The following NLRC4 variants were observed in gnomAD, a reference collection of about 807,000 sequenced individuals.
NLRC4 encodes NLR family CARD domain-containing protein 4.
NLRC4 carries 63 observed loss-of-function variants against 79.9 expected under a neutral mutation model. The observed-to-expected ratio is 0.79, with a 90% confidence interval of 0.64 to 0.97. NLRC4 has a LOEUF of 0.97. Ranked by LOEUF, NLRC4 falls within the 50% of genes least tolerant of loss-of-function variation. NLRC4 has a pLI of 0.00. For synonymous variants in NLRC4, 461 were observed against 456.5 expected (o/e 1.01, Z -0.12); for missense variants, 1,074 against 1,215.2 (o/e 0.88, Z 1.73).
chr2:32,260,142 T>C (rs1351386450), intron 1 of NLRC4, among the ~76,000 whole-genome samples: 1 of 130,516 alleles, frequency 7.7e-6, no homozygotes, highest in Admixed American at 9.7e-5. Flanking sequence ...GGCAGGAGAA[T>C]CACTTGAACC....
At chr2:32,248,749 G>C (rs1055635180) in intron 4 of NLRC4, among the ~76,000 whole-genome samples, 1 of 151,314 alleles carries the variant, frequency 6.6e-6, no homozygotes, top group Non-Finnish European at 1.5e-5. Flanking sequence ...CTGGGTGACA[G>C]AGCAAGACCC....
chr2:32,241,023 G>GA lies in NLRC4; in HGVS notation c.2350+9dup, dbSNP rs1686787668. 6.6e-7 allele frequency: 1 copy of GA among 1,508,100 alleles called. No individual in the cohort carries two copies. The allele number at this position is 1,508,100 out of a possible 1,614,324, so 93.4% of individuals were successfully genotyped here. A position where few individuals can be genotyped will look rare whatever the true frequency, so the allele number is the denominator to read the frequency against. On this transcript the variant is annotated intron_variant, in intron 5 of 8. Coordinates refer to ENST00000402280, the MANE Select transcript of NLRC4 (RefSeq NM_001199138.2). ...TTACATTGATACAAATATGAGAACAGAAATCTGACCTAGTTTTATAGCATC... is the reference window on the plus strand; with the variant it reads ...TTACATTGATACAAATATGAGAACAGAAAATCTGACCTAGTTTTATAGCATC...
intron 1 of NLRC4, among the ~76,000 whole-genome samples, chr2:32,261,960 A>G (rs992719337): frequency 2.0e-4 from 31 of 151,966 alleles, no homozygotes; most frequent in African/African-American, 6.8e-4. Flanking sequence ...AGGCGCCTGT[A>G]CTCCCAGCTA....
intron 8 of NLRC4, among the ~76,000 whole-genome samples, chr2:32,225,737 C>G (rs944777660): frequency 6.6e-6 from 1 of 152,104 alleles, no homozygotes; most frequent in Admixed American, 6.6e-5. Flanking sequence ...GACATGGGAA[C>G]TCTTACTTAC....
At chr2:32,261,942 G>A (rs1017140280) in intron 1 of NLRC4, among the ~76,000 whole-genome samples, 6 of 151,884 alleles carry the variant, frequency 4.0e-5, no homozygotes, top group South Asian at 2.1e-4. Flanking sequence ...TTAGCCAGGC[G>A]TGGTGGCAGG....
chr2:32,250,313 G>GC lies in NLRC4; in HGVS notation c.1550dup (p.Cys517TrpfsTer26), dbSNP rs1327260266. The GC allele has an allele frequency of 6.2e-7, 1 of 1,614,144 alleles. No homozygotes were observed. Among genetic ancestry groups the GC allele is most frequent in the East Asian group, 2.2e-5 (1 of 44,884 alleles). ...TCTTGGCGATGGAAAGTCCGAGAAG[G>GC]CAGCCGTGTTGATACACTGCTGCGA... On this transcript the variant is annotated frameshift_variant, in exon 4 of 9. Transcript: ENST00000402280. LOFTEE classifies it high-confidence loss of function. The surrounding 1 kb of genome is among the most constrained non-coding windows in gnomAD (Gnocchi z 4.9).
At chr2:32,252,275 TA>T in intron 3 of NLRC4, 143 bp downstream of exon 3, 1 of 657,006 alleles carries the variant, frequency 1.5e-6, no homozygotes, top group Non-Finnish European at 2.7e-6. Flanking sequence ...TAAAATCATC[TA>T]AGCTTTTCCT....
chr2:32,263,198 G>A (rs1472570964), intron 1 of NLRC4, among the ~76,000 whole-genome samples: 1 of 152,168 alleles, frequency 6.6e-6, no homozygotes, highest in Admixed American at 6.5e-5. Flanking sequence ...GAAGCACACA[G>A]AAATGGAAAA....
intron 2 of NLRC4, among the ~76,000 whole-genome samples, chr2:32,253,718 A>C (rs568015930): frequency 4.9e-4 from 75 of 151,998 alleles, no homozygotes; most frequent in African/African-American, 1.7e-3. Flanking sequence ...TAACCCCAGC[A>C]CTTTGGGAGG....
intron 4 of NLRC4, among the ~76,000 whole-genome samples, chr2:32,243,448 A>G (rs772349874): frequency 6.6e-6 from 1 of 152,042 alleles, no homozygotes; most frequent in Non-Finnish European, 1.5e-5. Flanking sequence ...GACCAATATC[A>G]TTCATGAATA....
chr2:32,243,697 C>G (rs1686859749), intron 4 of NLRC4, among the ~76,000 whole-genome samples: 1 of 150,368 alleles, frequency 6.7e-6, no homozygotes, highest in Non-Finnish European at 1.5e-5. Flanking sequence ...ACTTGGGAGG[C>G]TGAGGCAGGA....
chr2:32,240,601 G>C (rs1219375498), intron 5 of NLRC4, among the ~76,000 whole-genome samples: 1 of 151,824 alleles, frequency 6.6e-6, no homozygotes, highest in Non-Finnish European at 1.5e-5. Context: ...ATGAAAGCAT[G>C]CTTCCCCCAA....
chr2:32,259,287 T>TTTTTTTTTTTTTTTTTTTTTTC (rs1283926253), intron 1 of NLRC4, among the ~76,000 whole-genome samples: 6 of 135,412 alleles, frequency 4.4e-5, no homozygotes, highest in African/African-American at 1.4e-4. Context: ...TTTTTTTTTT[T>TTTTTTTTTTTTTTTTTTTTTTC]TTTAGAGACA....
intron 4 of NLRC4, among the ~76,000 whole-genome samples, chr2:32,243,051 TGAAA>T (rs921766959): frequency 6.6e-5 from 9 of 136,372 alleles, no homozygotes; most frequent in African/African-American, 1.1e-4. Context: ...ATGTCTTTAA[TGAAA>T]GAAAGAGAGA....
intron 5 of NLRC4, 50 bp downstream of exon 5, chr2:32,240,983 C>G: frequency 8.6e-7 from 1 of 1,165,040 alleles, no homozygotes; most frequent in Non-Finnish European, 1.3e-6. Context: ...AAGTTAACTC[C>G]TCTTATTATC....
rs768764867 is a variant in NLRC4 at position 32,250,330 on chromosome 2, C to G, written c.1534G>C (p.Val512Leu). The G allele has an allele frequency of 6.2e-7, 1 of 1,614,218 alleles. No homozygotes were observed. The highest frequency in any genetic ancestry group is 8.5e-7 in the Non-Finnish European group (1 of 1,180,046). The change falls in exon 4 of 9, where the codon GTG becomes CTG. Residue 512 changes from valine to leucine, a missense_variant. Physicochemically the swap from Val to Leu is conservative, Grantham distance 32. Coordinates refer to ENST00000402280, the MANE Select transcript of NLRC4 (RefSeq NM_001199138.2). This position sits in a 1 kb window ranked among gnomAD's most constrained non-coding sequence, Gnocchi z 4.9. The stretch of plus-strand genomic sequence containing the variant: ...CCGAGAAGGCAGCCGTGTTGATACA[C>G]TGCTGCGAGGTGCTTCATAACAGCC... The part of the protein sequence containing the change: ...TRAVMKHLAA[V>L]YQHGCLLGLS...
In NLRC4 at chr2:32,251,199, T is replaced by G; in HGVS notation, c.665A>C (p.Asp222Ala). The G allele has an allele frequency of 6.2e-7, 1 of 1,614,176 alleles. No individual in the cohort carries two copies. The highest frequency in any genetic ancestry group is 8.5e-7 in the Non-Finnish European group (1 of 1,180,018). Residue 222 changes from aspartate (D) to alanine (A), a missense_variant, in exon 4 of 9, where the codon GAT (aspartate) becomes GCT (alanine). By Grantham distance (126) the Asp-to-Ala change is moderately radical. Coordinates refer to ENST00000402280, the MANE Select transcript of NLRC4 (RefSeq NM_001199138.2). ...LFETLCDQLL[D>A]IPGTIRKQTF... ...CTGCTTCCTGATTGTGCCAGGTATA[T>G]CCAGGAGTTGATCACAGAGGGTTTC...
chr2:32,236,474 T>G, intron 6 of NLRC4, 135 bp from the exon 7 acceptor site: 1 of 620,726 alleles, frequency 1.6e-6, no homozygotes, highest in Admixed American at 3.1e-5. Context: ...CTTGGTTATT[T>G]TAATTATTTC....
intron 6 of NLRC4, among the ~76,000 whole-genome samples, chr2:32,236,618 A>T (rs1686679130): frequency 6.6e-6 from 1 of 152,186 alleles, no homozygotes; most frequent in Non-Finnish European, 1.5e-5. Flanking sequence ...TGTAGTTGTT[A>T]TGTCATCATG....
Sources: gnomAD v4.1 joint callset for allele counts (sites outside exome capture counted in the v4.1 genomes callset) on GRCh38, gnomAD v4.1.1 for gene constraint, Gnocchi (gnomAD v3.1) non-coding constraint, MANE v1.5 for transcripts, NCBI Gene and HGNC (gene_info 2026-07-23, HGNC 2026-07-21) for gene names.